The following PMP22 variants were observed in gnomAD, a reference collection of about 807,000 sequenced individuals.
PMP22 encodes Charcot-Marie-Tooth neuropathy 1A (greatly reduced nerve conduction velocity, hereditary motor sensory neuropathy Ia).
In PMP22, 2 loss-of-function variants were observed where a neutral mutation model predicts 18.9. The ratio of observed to expected loss-of-function variants is 0.11; its 90% confidence interval spans 0.04 to 0.33. The LOEUF is 0.33. PMP22 is among the 10% of genes least tolerant of loss of function. The probability of loss-of-function intolerance (pLI) is 1.00; values close to 1 mark genes in which losing one functional copy is unlikely to be tolerated. For missense variants in PMP22, 169 were observed against 202.2 expected, an observed-to-expected ratio of 0.84 and a Z score of 1.00; for synonymous variants, 95 against 89.2, an observed-to-expected ratio of 1.07 and a Z score of -0.37.
At chr17:15,241,561 C>T (rs1024028607) in intron 3 of PMP22, among the ~76,000 whole-genome samples, 14 of 152,120 alleles carry the variant, frequency 9.2e-5, no homozygotes, top group African/African-American at 3.4e-4. Context: ...ACCCCGCGCC[C>T]CTGTCATTTT....
intron 1 of PMP22, among the ~76,000 whole-genome samples, chr17:15,263,881 GGCAGTATGGT>G (rs1460068779): frequency 6.6e-5 from 10 of 152,140 alleles, no homozygotes; most frequent in African/African-American, 2.4e-4. Flanking sequence ...GTCTGTGAGA[GGCAGTATGGT>G]GCAGTGGTTA....
intron 4 of PMP22, among the ~76,000 whole-genome samples, chr17:15,236,184 CAAG>C (rs1477892546): frequency 6.6e-6 from 1 of 151,938 alleles, no homozygotes; most frequent in Admixed American, 6.6e-5. Flanking sequence ...CTAATGCAAT[CAAG>C]AAGAGATAGT....
In PMP22 at chr17:15,235,922, T is replaced by TTTTTTA. The variant is rs774989614; in HGVS notation, c.319+3543_319+3548dup. ...GGCACGCACCACCACGCCTGGCTAT[T>TTTTTTA]TTTTTATTTTTATTTTTAGTAGAGA... is the stretch of plus-strand genomic sequence containing the variant. On this transcript the variant is annotated intron_variant, in intron 4 of 4. Coordinates refer to ENST00000312280, the MANE Select transcript of PMP22 (RefSeq NM_000304.4). Among the ~76,000 whole-genome samples the TTTTTTA allele has an allele frequency of 2.6e-5, 4 of 151,924 alleles. No homozygotes were observed. In the South Asian group the frequency reaches 6.3e-4, roughly 24 times the overall value.
chr17:15,240,602 G>A (rs1043879186), intron 3 of PMP22, among the ~76,000 whole-genome samples: 11 of 152,084 alleles, frequency 7.2e-5, no homozygotes, highest in South Asian at 4.2e-4. Context: ...TTCACCATCC[G>A]CTGCAAACTC....
chr17:15,245,065 A>T (rs1907682610), intron 3 of PMP22, among the ~76,000 whole-genome samples: 1 of 152,136 alleles, frequency 6.6e-6, no homozygotes, highest in African/African-American at 2.4e-5. Flanking sequence ...CTCCAGTGCC[A>T]TTGATCAAAA....
At chr17:15,242,251 C>CAA (rs59075019) in intron 3 of PMP22, among the ~76,000 whole-genome samples, 1,313 of 53,144 alleles carry the variant, frequency 0.025, 15 homozygotes, top group Middle Eastern at 0.043. Flanking sequence ...GACTCTGTCT[C>CAA]AAAAAAAAAA....
At chr17:15,242,542 T>C (rs1385397770) in intron 3 of PMP22, among the ~76,000 whole-genome samples, 1 of 152,130 alleles carries the variant, frequency 6.6e-6, no homozygotes, top group East Asian at 1.9e-4. Flanking sequence ...TCATTATGCA[T>C]ATAATAACAT....
In PMP22 at chr17:15,240,294, G is replaced by A. The variant is rs574386210; in HGVS notation, c.179-683C>T. 2.6e-5 allele frequency among the ~76,000 whole-genome samples: 4 copies of A among 152,210 alleles called. No homozygotes were observed. In the South Asian group the frequency reaches 6.2e-4, roughly 24 times the overall value. ...TTCCCCAAGGAGAGGTAAAGATCAC[G>A]GGAATGGCTGTTAGAGCCCAAAGTA... On this transcript the variant is annotated intron_variant, in intron 3 of 4. Transcript: ENST00000312280.
intron 3 of PMP22, among the ~76,000 whole-genome samples, chr17:15,242,500 G>A (rs1248511648): frequency 6.6e-6 from 1 of 151,984 alleles, no homozygotes; most frequent in Non-Finnish European, 1.5e-5. Context: ...CTTTACTTCT[G>A]GTTTACATGA....
At chr17:15,252,398 GC>G (rs1442993829) in intron 3 of PMP22, among the ~76,000 whole-genome samples, 3 of 16,854 alleles carry the variant, frequency 1.8e-4, no homozygotes, top group East Asian at 1.2e-3. Flanking sequence ...GTTTGCTGTT[GC>G]TGCTGCTGCT....
At chr17:15,236,010 T>G (rs1034499190) in intron 4 of PMP22, among the ~76,000 whole-genome samples, 2 of 151,786 alleles carry the variant, frequency 1.3e-5, no homozygotes, top group East Asian at 1.9e-4. Context: ...TCTGCCCACC[T>G]CAGCCTCCCA....
chr17:15,234,063 A>G (rs986839290), intron 4 of PMP22, among the ~76,000 whole-genome samples: 2 of 152,212 alleles, frequency 1.3e-5, no homozygotes, highest in Non-Finnish European at 2.9e-5. Flanking sequence ...GGTAGCTGGA[A>G]GGTGCATGAG....
rs148785223 is a variant in PMP22 at position 15,264,210 on chromosome 17, A to ATAGGTAGGTAGG, written c.-35+932_-35+943dup. Among the ~76,000 whole-genome samples the ATAGGTAGGTAGG allele has an allele frequency of 0.011, 1,618 of 150,172 alleles. 69 individuals carry two copies. In the East Asian group the frequency reaches 0.13, roughly 13 times the overall value. ...TGCACTAAAGTAGCTTGTAACTCTG[A>ATAGGTAGGTAGG]TAGGTAGGTAGGTAGGTAGGTAGAT... is the stretch of plus-strand genomic sequence containing the variant. On this transcript the variant is annotated intron_variant, in intron 1 of 4. Transcript: ENST00000312280.
At chr17:15,246,104 G>A (rs1907791572) in intron 3 of PMP22, among the ~76,000 whole-genome samples, 2 of 152,132 alleles carry the variant, frequency 1.3e-5, no homozygotes, top group South Asian at 2.1e-4. Context: ...AACTCCAAAA[G>A]TGTTTTGATA....
chr17:15,233,409 G>A (rs1163413641), intron 4 of PMP22, among the ~76,000 whole-genome samples: 1 of 152,228 alleles, frequency 6.6e-6, no homozygotes, highest in Non-Finnish European at 1.5e-5. Flanking sequence ...GTTTCTCCCT[G>A]TCTCAGGATG....
chr17:15,255,937 C>T (rs1908786565), intron 3 of PMP22, among the ~76,000 whole-genome samples: 2 of 152,152 alleles, frequency 1.3e-5, no homozygotes, highest in South Asian at 4.1e-4. Context: ...CGACCAGGCT[C>T]GGGACCATCA....
Position 15,232,399 on chromosome 17 carries a change from T to C in PMP22, c.320-1319A>G, listed in dbSNP as rs891746801. The C allele has an allele frequency of 2.0e-5, 3 of 152,306 alleles. 1 individual carries two copies. The highest frequency in any genetic ancestry group is 2.0e-4 in the Admixed American group (3 of 15,290). The allele number at this position is 152,306 out of a possible 1,614,324, so 9.4% of individuals were successfully genotyped here. A position where few individuals can be genotyped will look rare whatever the true frequency, so the allele number is the denominator to read the frequency against. ...GTTCAGAAGACAGCAAAGATGGCCATGTCAGGAGCGAAATCATTGCGGGTT... is the reference window on the plus strand; with the variant it reads ...GTTCAGAAGACAGCAAAGATGGCCACGTCAGGAGCGAAATCATTGCGGGTT... On this transcript the variant is annotated intron_variant, in intron 4 of 4. Coordinates refer to ENST00000312280, the MANE Select transcript of PMP22 (RefSeq NM_000304.4).
chr17:15,239,245 T>C (rs1597607180), intron 4 of PMP22: 2 of 624,144 alleles, frequency 3.2e-6, no homozygotes. Context: ...CTCTTTCATA[T>C]GCATCTCATT....
intron 1 of PMP22, among the ~76,000 whole-genome samples, chr17:15,263,891 T>G (rs1909534095): frequency 6.6e-6 from 1 of 152,168 alleles, no homozygotes; most frequent in African/African-American, 2.4e-5. Context: ...GGCAGTATGG[T>G]GCAGTGGTTA....
Sources: allele counts gnomAD v4.1 joint callset (sites outside exome capture counted in the v4.1 genomes callset), GRCh38; gene constraint gnomAD v4.1.1; transcripts MANE v1.5; gene names NCBI Gene and HGNC (gene_info 2026-07-23, HGNC 2026-07-21).